Variants in SMAD6 observed in about 807,000 individuals in gnomAD.
SMAD6 encodes SMAD family member 6, also known as MAD homolog 6.
SMAD6 carries 103 observed loss-of-function variants against 39.4 expected under a neutral mutation model. That is an observed-to-expected ratio of 2.62 (90% CI 2.23 to 3.08). The LOEUF (loss-of-function observed/expected upper bound fraction) is 3.08. SMAD6 is among the 30% of genes most tolerant of loss of function. The pLI, the probability that SMAD6 is intolerant of heterozygous loss-of-function variation, is 0.00. For synonymous variants in SMAD6, 445 were observed against 353.3 expected, an observed-to-expected ratio of 1.26 and a Z score of -2.91; for missense variants, 1,104 against 742.9, an observed-to-expected ratio of 1.49 and a Z score of -5.65.
At chr15:66,765,673 TCA>T (rs1418577310) in intron 3 of SMAD6, among the ~76,000 whole-genome samples, 2 of 152,314 alleles carry the variant, frequency 1.3e-5, no homozygotes, top group East Asian at 3.9e-4. Flanking sequence ...TCTCCCCATT[TCA>T]CAGACAAGAG....
chr15:66,716,476 C>A lies in SMAD6; in HGVS notation c.930C>A (p.Ile310=). The A allele has an allele frequency of 6.2e-7, 1 of 1,613,336 alleles. No individual in the cohort carries two copies. Among genetic ancestry groups the A allele is most frequent in the Non-Finnish European group, 8.5e-7 (1 of 1,179,188 alleles). Residue 310 remains isoleucine (I), a synonymous_variant, in exon 3 of 4, where the codon ATC becomes ATA. Transcript: ENST00000288840. ...YTETEATNSL[I]TAPGEFSDAS... is the part of the protein sequence containing the mutation. ...AAACGGAGGCTACCAACTCCCTCAT[C>A]ACTGCTCCGGGTGAATTCTCAGGTC... is the stretch of plus-strand genomic sequence containing the variant.
chr15:66,757,476 T>C (rs928235297), intron 3 of SMAD6, among the ~76,000 whole-genome samples: 5 of 152,060 alleles, frequency 3.3e-5, no homozygotes, highest in African/African-American at 9.6e-5. Context: ...GGCCCAGAGA[T>C]GGTGTGGGGC....
chr15:66,704,126 C>CT, intron 1 of SMAD6, 51 bp downstream of exon 1: 1 of 1,290,362 alleles, frequency 7.7e-7, no homozygotes, highest in Non-Finnish European at 1.0e-6. Context: ...TCCCCATCCC[C>CT]TTCCGTGCCC....
chr15:66,703,127 C>A lies in SMAD6; in HGVS notation c.-132C>A, dbSNP rs965313501. The A allele has an allele frequency of 3.6e-5, 21 of 584,698 alleles. No individual in the cohort carries two copies. Among genetic ancestry groups the A allele is most frequent in the Admixed American group, 1.3e-4 (3 of 22,854 alleles). The allele number at this position is 584,698 out of a possible 1,614,324, so 36.2% of individuals were successfully genotyped here. A position where few individuals can be genotyped will look rare whatever the true frequency, so the allele number is the denominator to read the frequency against. ...CGCCCCTTCGACGACAGGCTGTGCG[C>A]GGTCTGCACGGCGCTCCGCGGCGGA... On this transcript the variant is annotated 5_prime_UTR_variant, in exon 1 of 4. Coordinates refer to ENST00000288840, the MANE Select transcript of SMAD6 (RefSeq NM_005585.5).
rs200790434 is a variant in SMAD6, at chr15:66,723,732, GA to G, written c.952+7240del. Among the ~76,000 whole-genome samples the G allele has an allele frequency of 6.3e-3, 962 of 152,180 alleles. 7 individuals are homozygous for G. The highest frequency in any genetic ancestry group is 0.02 in the African/African-American group (835 of 41,530). On this transcript the variant is annotated intron_variant, in intron 3 of 3. Transcript: ENST00000288840. ...AAGAAGAATTTATTATAAAAAGGGG[GA>G]AAAAAGAATCTACTACATGCCAGTG... is the stretch of plus-strand genomic sequence containing the variant.
Position 66,703,839 on chromosome 15 carries a change from C to T in SMAD6, c.581C>T (p.Ala194Val), listed in dbSNP as rs868040783. 7.2e-7 allele frequency: 1 copy of T among 1,387,038 alleles called. No homozygotes were observed. Among genetic ancestry groups the T allele is most frequent in the Non-Finnish European group, 9.4e-7 (1 of 1,058,630 alleles). 85.9% of individuals were successfully genotyped at this position (1,387,038 alleles called of 1,614,324 possible). A position where few individuals can be genotyped will look rare whatever the true frequency, so the allele number is the denominator to read the frequency against. The change falls in exon 1 of 4, where the codon GCG becomes GTG. Residue 194 changes from alanine to valine, a missense_variant. Physicochemically the swap from Ala to Val is moderately conservative, Grantham distance 64. Transcript: ENST00000288840. Reference protein sequence around the residue: ...KERSLDTLLEAVESRGGVPGG... With the variant: ...KERSLDTLLEVVESRGGVPGG... ...CGCTCGCTGGACACGCTGCTGGAGG[C>T]GGTGGAGTCCCGCGGCGGCGTGCCG... is the stretch of plus-strand genomic sequence containing the variant.
chr15:66,730,755 C>T (rs564725873), intron 3 of SMAD6, among the ~76,000 whole-genome samples: 4 of 152,308 alleles, frequency 2.6e-5, no homozygotes, highest in Middle Eastern at 3.4e-3. Context: ...ACCAACAAGA[C>T]GAGTTCTATT....
chr15:66,777,003 C>A (rs1894478097), intron 3 of SMAD6, among the ~76,000 whole-genome samples: 1 of 152,208 alleles, frequency 6.6e-6, no homozygotes, highest in Non-Finnish European at 1.5e-5. Context: ...CACCACAGTA[C>A]TTCTGCCTGA....
intron 3 of SMAD6, among the ~76,000 whole-genome samples, chr15:66,769,428 C>T (rs78855443): frequency 0.038 from 5,852 of 152,262 alleles, 160 homozygotes; most frequent in Admixed American, 0.081. Context: ...CACCAGTTCA[C>T]CTCTCCATCA....
intron 3 of SMAD6, among the ~76,000 whole-genome samples, chr15:66,770,654 G>C (rs1304389960): frequency 6.6e-6 from 1 of 152,188 alleles, no homozygotes; most frequent in Non-Finnish European, 1.5e-5. Context: ...GCAAAGTTCA[G>C]AGGCTTTGTT....
rs1012040897 is a variant in SMAD6, at chr15:66,726,607, A to G, written c.952+10109A>G. Among the ~76,000 whole-genome samples the G allele has an allele frequency of 2.0e-5, 3 of 152,286 alleles. No individual in the cohort carries two copies. In the South Asian group the frequency reaches 6.2e-4, roughly 32 times the overall value. The stretch of plus-strand genomic sequence containing the variant: ...CATTCTCCCTCACAGGGCGAAGGCC[A>G]GAGAGAGCTCAGAGGTTTCCTCTGA... On this transcript the variant is annotated intron_variant, in intron 3 of 3. Coordinates refer to ENST00000288840, the MANE Select transcript of SMAD6 (RefSeq NM_005585.5).
intron 3 of SMAD6, among the ~76,000 whole-genome samples, chr15:66,718,589 G>C (rs766303813): frequency 5.9e-5 from 9 of 152,222 alleles, no homozygotes; most frequent in Non-Finnish European, 7.3e-5. Context: ...GGCCTCAGTA[G>C]GTGAATGGAG....
intron 3 of SMAD6, among the ~76,000 whole-genome samples, chr15:66,772,325 A>G (rs147695781): frequency 3.0e-4 from 45 of 152,284 alleles, no homozygotes; most frequent in African/African-American, 1.1e-3. Flanking sequence ...GAGAATTAAC[A>G]TATGTTCAGG....
At chr15:66,717,399 C>T (rs1311478344) in intron 3 of SMAD6, 2 of 456,148 alleles carry the variant, frequency 4.4e-6, no homozygotes, top group East Asian at 6.9e-5. Flanking sequence ...GGCCGGCACT[C>T]CACTTGGCCG....
chr15:66,706,482 C>G (rs1181944556), intron 1 of SMAD6: 4 of 152,416 alleles, frequency 2.6e-5, no homozygotes, highest in African/African-American at 9.6e-5. Context: ...CCTCTTGCCC[C>G]TGGCCTGAGA....
intron 3 of SMAD6, among the ~76,000 whole-genome samples, chr15:66,752,439 CCT>C (rs1459807379): frequency 6.6e-6 from 1 of 152,152 alleles, no homozygotes; most frequent in East Asian, 1.9e-4. Context: ...CCAGCTCTTG[CCT>C]CTGTTTTCAA....
At chr15:66,772,041 T>C (rs1226918049) in intron 3 of SMAD6, among the ~76,000 whole-genome samples, 3 of 152,178 alleles carry the variant, frequency 2.0e-5, no homozygotes, top group Non-Finnish European at 4.4e-5. Context: ...CACTGTCACC[T>C]TCGAGGATCC....
Position 66,702,954 on chromosome 15 carries a change from GC to G in SMAD6, c.-299del, listed in dbSNP as rs1216231183. The G allele has an allele frequency of 1.1e-5, 3 of 269,582 alleles. No homozygotes were observed. The highest frequency in any genetic ancestry group is 1.0e-3 in the Middle Eastern group (1 of 970). The allele number at this position is 269,582 out of a possible 1,614,324, so 16.7% of individuals were successfully genotyped here. ...TCTTTCTGGCGGCGCGCCGCCTGCA[GC>G]CCCCCTAAAGCGCGGGGGCTGGAGT... On this transcript the variant is annotated 5_prime_UTR_variant, in exon 1 of 4. An upstream open reading frame in the 5' UTR gains an earlier in-frame stop. Transcript: ENST00000288840.
intron 3 of SMAD6, among the ~76,000 whole-genome samples, chr15:66,759,148 C>G (rs1488363170): frequency 6.6e-6 from 1 of 152,184 alleles, no homozygotes; most frequent in Admixed American, 6.5e-5. Flanking sequence ...TTTGCTGATT[C>G]CTTATTTATA....
Sources: gnomAD v4.1 joint callset for allele counts (sites outside exome capture counted in the v4.1 genomes callset) on GRCh38, gnomAD v4.1.1 for gene constraint, MANE v1.5 for transcripts, NCBI Gene and HGNC (gene_info 2026-07-23, HGNC 2026-07-21) for gene names.